The following ABLIM2 variants were observed in gnomAD, a reference collection of about 807,000 sequenced individuals.
The protein encoded by ABLIM2 is actin-binding LIM protein 2.
A neutral mutation model predicts 97.7 loss-of-function variants in ABLIM2; 53 were observed. The ratio of observed to expected loss-of-function variants is 0.54; its 90% CI spans 0.44 to 0.68. The LOEUF (loss-of-function observed/expected upper bound fraction) is 0.68, where lower values mean the gene tolerates loss of function less well. Among genes scored for constraint, ABLIM2 ranks in the 30% least tolerant of loss-of-function variants. ABLIM2 has a pLI of 0.00. For synonymous variants in ABLIM2, 361 were observed against 345.8 expected, an observed-to-expected ratio of 1.04 and a Z score of -0.49; for missense variants, 835 against 867.2, an observed-to-expected ratio of 0.96 and a Z score of 0.47.
In ABLIM2 at chr4:8,019,895, C is replaced by A. The variant is rs1305548700; in HGVS notation, c.1370-224G>T. On this transcript the variant is annotated intron_variant, in intron 13 of 20. Transcript: ENST00000447017. This position sits in a 1 kb window ranked among gnomAD's most constrained non-coding sequence, Gnocchi z 4.3. ...CAGGAGATGGGGCAGCAGCCAGGAACCTTGTGGTCCCCCGGGAAGTGTAGC... is the reference window on the plus strand; with the variant it reads ...CAGGAGATGGGGCAGCAGCCAGGAAACTTGTGGTCCCCCGGGAAGTGTAGC... Among the ~76,000 whole-genome samples the A allele has an allele frequency of 5.3e-5, 8 of 152,184 alleles. No individual in the cohort carries two copies. Among genetic ancestry groups the A allele is most frequent in the Admixed American group, 3.3e-4 (5 of 15,286 alleles).
intron 10 of ABLIM2, among the ~76,000 whole-genome samples, chr4:8,034,666 G>A (rs1400959085): frequency 1.1e-5 from 1 of 90,034 alleles, no homozygotes; most frequent in African/African-American, 4.6e-5. Context: ...GTGGGTGCAG[G>A]TGGGTGGGTG....
rs141822495 is a variant in ABLIM2, at chr4:8,112,009, C to T, written c.11-5372G>A. On this transcript the variant is annotated intron_variant, in intron 1 of 20. Transcript: ENST00000447017. This position sits in a 1 kb window ranked among gnomAD's most constrained non-coding sequence, Gnocchi z 4.2. ...TTCACTGCAGTTTCAAGATTGGCTC[C>T]AATAATTTGGCTTAACAAGTCTCTA... Among the ~76,000 whole-genome samples, 16 of 152,112 alleles carry T rather than the reference C, an allele frequency of 1.1e-4. 1 individual carries two copies. The East Asian group carries it at 3.1e-3, about 29-fold the overall frequency.
At chr4:8,042,595 C>A (rs1789427780) in intron 9 of ABLIM2, among the ~76,000 whole-genome samples, 1 of 152,220 alleles carries the variant, frequency 6.6e-6, no homozygotes, top group Non-Finnish European at 1.5e-5. Flanking sequence ...AACCCCAGCA[C>A]TGTGGCAGGC....
chr4:8,036,936 A>G (rs1784840208), intron 9 of ABLIM2, among the ~76,000 whole-genome samples: 2 of 152,080 alleles, frequency 1.3e-5, no homozygotes, highest in Non-Finnish European at 2.9e-5. Flanking sequence ...GACCCTCCTC[A>G]AATCCCCAAA....
Position 8,097,115 on chromosome 4 carries a change from C to A in ABLIM2, c.322G>T (p.Val108Leu). Residue 108 changes from valine to leucine, a missense_variant, in exon 3 of 21, where the codon GTG becomes TTG. Val to Leu is a conservative substitution (Grantham distance 32). Transcript: ENST00000447017. Reference protein sequence around the residue: ...LGKTYHPDCFVCAVCRLPFPP... With the variant: ...LGKTYHPDCFLCAVCRLPFPP... ...CTTACTCACCGGCAGACGGCACACACGAAGCAGTCGGGGTGGTAGGTCTTG... is the reference window on the plus strand; with the variant it reads ...CTTACTCACCGGCAGACGGCACACAAGAAGCAGTCGGGGTGGTAGGTCTTG... 1 of 1,609,020 alleles carries A rather than the reference C, an allele frequency of 6.2e-7. No homozygotes were observed. The highest frequency in any genetic ancestry group is 8.5e-7 in the Non-Finnish European group (1 of 1,177,428).
At chr4:7,978,634 C>G (rs995609738) in intron 20 of ABLIM2, among the ~76,000 whole-genome samples, 11 of 152,240 alleles carry the variant, frequency 7.2e-5, no homozygotes, top group Admixed American at 7.2e-4. Flanking sequence ...GGGACACGCC[C>G]TTTGAGGAAC....
At chr4:8,100,365 C>A (rs1577845835) in intron 2 of ABLIM2, among the ~76,000 whole-genome samples, 1 of 152,108 alleles carries the variant, frequency 6.6e-6, no homozygotes, top group Non-Finnish European at 1.5e-5. Context: ...GTGACCTTGA[C>A]CAAGTTACTT....
chr4:8,062,405 A>G (rs1236444681), intron 6 of ABLIM2, among the ~76,000 whole-genome samples: 3 of 151,630 alleles, frequency 2.0e-5, no homozygotes, highest in African/African-American at 7.3e-5. Flanking sequence ...GCTGATCACA[A>G]TTATTCAAAT....
rs1376077226 is a variant in ABLIM2 at position 8,022,521 on chromosome 4, C to G, written c.1268-2218G>C. 3.9e-5 allele frequency: 6 copies of G among 152,510 alleles called. No homozygotes were observed. The highest frequency in any genetic ancestry group is 1.4e-4 in the African/African-American group (6 of 41,466). 9.4% of individuals were successfully genotyped at this position (152,510 alleles called of 1,614,324 possible). A position where few individuals can be genotyped will look rare whatever the true frequency, so the allele number is the denominator to read the frequency against. On this transcript the variant is annotated intron_variant, in intron 12 of 20. Coordinates refer to ENST00000447017, the MANE Select transcript of ABLIM2 (RefSeq NM_001130083.2). The surrounding 1 kb of genome is among the most constrained non-coding windows in gnomAD (Gnocchi z 7.8). The stretch of plus-strand genomic sequence containing the variant: ...CACCTCATTCTGGCCCCCCAGGGCC[C>G]TCTAACACCAGCCCGAGTCCTGCCA...
chr4:8,074,754 A>G (rs1407535583), intron 6 of ABLIM2, among the ~76,000 whole-genome samples: 1 of 151,112 alleles, frequency 6.6e-6, no homozygotes, highest in Non-Finnish European at 1.5e-5. Context: ...GTGTCCAGCC[A>G]TAAATGATCA....
At position 8,036,174 on chromosome 4, in the gene ABLIM2, G is replaced by A; in HGVS notation, c.1022C>T (p.Ala341Val). ...CTCGCCGTAGCTCTGCCTGTCCCCT[G>A]CAGAGTGGCTGATGTAGGGTGAGTA... ...ISYSPYISHS[A>V]GDRQSYGEGD... The change falls in exon 10 of 21, where the codon GCA becomes GTA. Residue 341 changes from alanine to valine, a missense_variant. Coordinates refer to ENST00000447017, the MANE Select transcript of ABLIM2 (RefSeq NM_001130083.2). 6.2e-7 allele frequency: 1 copy of A among 1,613,912 alleles called. No homozygotes were observed.
chr4:8,051,384 TA>T (rs35706789), intron 8 of ABLIM2, among the ~76,000 whole-genome samples: 1 of 147,660 alleles, frequency 6.8e-6, no homozygotes. Context: ...CTGTCTCTAC[TA>T]AAAAAAAAAG....
At chr4:8,110,657 C>T (rs1009886337) in intron 1 of ABLIM2, among the ~76,000 whole-genome samples, 3 of 15,212 alleles carry the variant, frequency 2.0e-4, no homozygotes, top group South Asian at 2.5e-3. Context: ...TCGGGGGTGG[C>T]GGGGGTGGGG....
At chr4:8,158,114 C>T (rs891493907) in intron 1 of ABLIM2, among the ~76,000 whole-genome samples, 1 of 152,222 alleles carries the variant, frequency 6.6e-6, no homozygotes, top group East Asian at 1.9e-4. Context: ...GGGCGAGGGG[C>T]TGGAGACGCG....
At chr4:8,101,721 CAT>C (rs1834746562) in intron 2 of ABLIM2, among the ~76,000 whole-genome samples, 1 of 152,212 alleles carries the variant, frequency 6.6e-6, no homozygotes. Flanking sequence ...CGAGGGCACA[CAT>C]GGGTGTGGCC....
rs1760645520 is a variant in ABLIM2, at chr4:8,005,478, A to G, written c.1618+2581T>C. 1 of 529,066 alleles carries G rather than the reference A, an allele frequency of 1.9e-6. No individual in the cohort carries two copies. The allele number at this position is 529,066 out of a possible 1,614,324, so 32.8% of individuals were successfully genotyped here. A position where few individuals can be genotyped will look rare whatever the true frequency, so the allele number is the denominator to read the frequency against. On this transcript the variant is annotated intron_variant, in intron 16 of 20. Coordinates refer to ENST00000447017, the MANE Select transcript of ABLIM2 (RefSeq NM_001130083.2). This position sits in a 1 kb window ranked among gnomAD's most constrained non-coding sequence, Gnocchi z 4.9. ...TGTGTGCAAATGCTTTGTTCAGTAA[A>G]AGCTGTGTGCAAATGGAACTGGTGC...
intron 12 of ABLIM2, among the ~76,000 whole-genome samples, chr4:8,024,396 C>T (rs143163106): frequency 7.2e-5 from 11 of 152,244 alleles, no homozygotes; most frequent in Middle Eastern, 3.4e-3. Context: ...GGGTGAGGCC[C>T]TGCCAGCATT....
chr4:8,010,179 A>G (rs1317435562), intron 14 of ABLIM2, among the ~76,000 whole-genome samples: 4 of 152,224 alleles, frequency 2.6e-5, no homozygotes, highest in Non-Finnish European at 4.4e-5. Flanking sequence ...TGGATTTTCC[A>G]TTTGCCTTTT....
In ABLIM2 at chr4:8,125,521, C is replaced by T. The variant is rs1847468141; in HGVS notation, c.11-18884G>A. Among the ~76,000 whole-genome samples, 1 of 152,184 alleles carries T rather than the reference C, an allele frequency of 6.6e-6. No individual in the cohort carries two copies. The highest frequency in any genetic ancestry group is 1.9e-4 in the East Asian group (1 of 5,172). On this transcript the variant is annotated intron_variant, in intron 1 of 20. Transcript: ENST00000447017. The surrounding 1 kb of genome is among the most constrained non-coding windows in gnomAD (Gnocchi z 6.2). ...ACTGCTTCTGGGATGGCTCTGCCATCAGCGTTGACGGTCTGGTCCATCTAC... is the reference window on the plus strand; with the variant it reads ...ACTGCTTCTGGGATGGCTCTGCCATTAGCGTTGACGGTCTGGTCCATCTAC...
Sources: gnomAD v4.1 joint callset for allele counts (sites outside exome capture counted in the v4.1 genomes callset) on GRCh38, gnomAD v4.1.1 for gene constraint, Gnocchi (gnomAD v3.1) non-coding constraint, MANE v1.5 for transcripts, NCBI Gene and HGNC (gene_info 2026-07-23, HGNC 2026-07-21) for gene names.